The following PPM1H variants were observed in gnomAD, a reference collection of about 807,000 sequenced individuals.
The protein encoded by PPM1H is protein phosphatase, Mg2+/Mn2+ dependent 1H.
PPM1H carries 27 observed loss-of-function variants against 54.9 expected under a neutral mutation model. The ratio of observed to expected loss-of-function variants is 0.49; its 90% CI spans 0.36 to 0.68. PPM1H has a LOEUF of 0.68. PPM1H is among the 30% of genes least tolerant of loss of function. The pLI, the probability that PPM1H is intolerant of heterozygous loss-of-function variation, is 0.00. For synonymous variants in PPM1H, 305 were observed against 270.8 expected, an observed-to-expected ratio of 1.13 and a Z score of -1.24; for missense variants, 596 against 667.8, an observed-to-expected ratio of 0.89 and a Z score of 1.19.
chr12:62,932,559 AC>A (rs1476116618), intron 1 of PPM1H, among the ~76,000 whole-genome samples: 4 of 137,270 alleles, frequency 2.9e-5, no homozygotes, highest in Non-Finnish European at 4.6e-5. Context: ...AGTCACAAGG[AC>A]CCCCATCTAC....
intron 1 of PPM1H, among the ~76,000 whole-genome samples, chr12:62,878,485 G>T (rs1870260975): frequency 1.3e-5 from 2 of 152,036 alleles, no homozygotes; most frequent in Non-Finnish European, 2.9e-5. Context: ...CAAGACAGAA[G>T]TAGCTTTAAC....
chr12:62,659,269 C>CAAAAAAAAAAAAAA lies in PPM1H; in HGVS notation c.1397+7895_1397+7908dup, dbSNP rs11349692. On this transcript the variant is annotated intron_variant, in intron 9 of 9. Transcript: ENST00000228705. ...GTGTTCTAAAAAACCGTAAAAACTG[C>CAAAAAAAAAAAAAA]AAAAAAAAAAAAAAAAAAAAAAGAG... is the stretch of plus-strand genomic sequence containing the variant. 130 of 91,586 alleles carry CAAAAAAAAAAAAAA rather than the reference C, an allele frequency of 1.4e-3. 3 individuals are homozygous for CAAAAAAAAAAAAAA. Among genetic ancestry groups the CAAAAAAAAAAAAAA allele is most frequent in the African/African-American group, 2.5e-3 (57 of 22,616 alleles). 5.7% of individuals were successfully genotyped at this position (91,586 alleles called of 1,614,324 possible). A position where few individuals can be genotyped will look rare whatever the true frequency, so the allele number is the denominator to read the frequency against.
intron 8 of PPM1H, among the ~76,000 whole-genome samples, chr12:62,671,980 G>A (rs189481603): frequency 1.1e-4 from 17 of 152,260 alleles, no homozygotes; most frequent in African/African-American, 3.9e-4. Flanking sequence ...TGTAATCATC[G>A]ATTTATGGCC....
At chr12:62,711,642 C>T (rs773202482) in intron 6 of PPM1H, among the ~76,000 whole-genome samples, 4 of 152,018 alleles carry the variant, frequency 2.6e-5, no homozygotes, top group Admixed American at 6.6e-5. Flanking sequence ...TCTGCTTAAG[C>T]GTATGTGGAT....
chr12:62,908,265 G>T (rs1871358266), intron 1 of PPM1H, among the ~76,000 whole-genome samples: 1 of 152,078 alleles, frequency 6.6e-6, no homozygotes, highest in South Asian at 2.1e-4. Context: ...AAATTAGCTA[G>T]GCGTGATGGT....
chr12:62,814,471 G>A (rs2076853997), intron 2 of PPM1H, among the ~76,000 whole-genome samples: 1 of 151,934 alleles, frequency 6.6e-6, no homozygotes, highest in Admixed American at 6.6e-5. Context: ...TCCTGCCTTG[G>A]TCTCCCAATG....
chr12:62,764,482 A>G (rs1300522751), intron 4 of PPM1H, among the ~76,000 whole-genome samples: 3 of 152,232 alleles, frequency 2.0e-5, no homozygotes, highest in Non-Finnish European at 4.4e-5. Flanking sequence ...TGACATTTTT[A>G]ACTATAAAAA....
At chr12:62,831,942 T>C (rs1175070693) in intron 2 of PPM1H, among the ~76,000 whole-genome samples, 172 bp downstream of exon 2, 1 of 151,838 alleles carries the variant, frequency 6.6e-6, no homozygotes, top group Non-Finnish European at 1.5e-5. Flanking sequence ...ATGTGTCGCC[T>C]TCAGCTTGGT....
chr12:62,815,079 T>A (rs185679120), intron 2 of PPM1H, among the ~76,000 whole-genome samples: 1 of 152,042 alleles, frequency 6.6e-6, no homozygotes, highest in Admixed American at 6.5e-5. Flanking sequence ...GAGGTAGAGA[T>A]GAGAAAACAT....
chr12:62,769,831 A>G (rs138583761), intron 4 of PPM1H, among the ~76,000 whole-genome samples: 51 of 152,316 alleles, frequency 3.3e-4, no homozygotes, highest in African/African-American at 1.2e-3. Flanking sequence ...GAGGGCTTCA[A>G]CATTTAAAGG....
chr12:62,687,353 G>C (rs998557569), intron 8 of PPM1H, among the ~76,000 whole-genome samples: 1 of 152,076 alleles, frequency 6.6e-6, no homozygotes, highest in Non-Finnish European at 1.5e-5. Context: ...CTGCAACTTC[G>C]AGCTCCTGGG....
At chr12:62,736,866 C>A (rs981468591) in intron 5 of PPM1H, among the ~76,000 whole-genome samples, 3 of 152,234 alleles carry the variant, frequency 2.0e-5, no homozygotes, top group Non-Finnish European at 2.9e-5. Context: ...AAGCCTAATA[C>A]CCTTGCCCCT....
At chr12:62,890,232 A>G (rs682414) in intron 1 of PPM1H, among the ~76,000 whole-genome samples, 19,652 of 152,132 alleles carry the variant, frequency 0.13, 3,831 homozygotes, top group African/African-American at 0.42. Flanking sequence ...AGGCTGAAGT[A>G]GAAGGATCGC....
chr12:62,879,117 C>A (rs1870297904), intron 1 of PPM1H, among the ~76,000 whole-genome samples: 1 of 152,170 alleles, frequency 6.6e-6, no homozygotes, highest in Admixed American at 6.5e-5. Flanking sequence ...ACGTCTTACC[C>A]TCTAGGTGGG....
At chr12:62,781,715 C>A (rs1456081024) in intron 4 of PPM1H, among the ~76,000 whole-genome samples, 2 of 152,178 alleles carry the variant, frequency 1.3e-5, no homozygotes, top group Non-Finnish European at 2.9e-5. Flanking sequence ...TGATTCAGAG[C>A]AAGAAGTACC....
chr12:62,683,023 G>T (rs911703863), intron 8 of PPM1H, among the ~76,000 whole-genome samples: 3 of 143,480 alleles, frequency 2.1e-5, no homozygotes, highest in African/African-American at 7.6e-5. Context: ...ACATTTGGGA[G>T]AGTTTATTAT....
intron 2 of PPM1H, among the ~76,000 whole-genome samples, chr12:62,817,116 TAAAAAAA>T (rs1189819660): frequency 2.3e-3 from 94 of 41,774 alleles, no homozygotes; most frequent in African/African-American, 7.1e-3. Flanking sequence ...ACTGCATTAC[TAAAAAAA>T]AAAAAAAAAA....
intron 6 of PPM1H, among the ~76,000 whole-genome samples, chr12:62,713,380 C>T (rs749492355): frequency 1.2e-4 from 19 of 152,224 alleles, no homozygotes; most frequent in Admixed American, 2.6e-4. Context: ...GGGGAGAGAG[C>T]TGAAAGAAGG....
chr12:62,663,713 C>T (rs375051546), intron 9 of PPM1H, among the ~76,000 whole-genome samples: 18 of 152,224 alleles, frequency 1.2e-4, no homozygotes, highest in East Asian at 5.8e-4. Context: ...GAATTCTTGC[C>T]GGGCGCAGTG....
Sources: gnomAD v4.1 joint callset for allele counts (sites outside exome capture counted in the v4.1 genomes callset) on GRCh38, gnomAD v4.1.1 for gene constraint, MANE v1.5 for transcripts, NCBI Gene and HGNC (gene_info 2026-07-23, HGNC 2026-07-21) for gene names.